The following DRC11 variants were observed in gnomAD, a reference collection of about 807,000 sequenced individuals.
DRC11 encodes dynein regulatory complex subunit 11, also known as IQ and AAA domain-containing protein 1.
At chr2:236,507,167 G>T in the DRC11 span, 5 of 1,402,916 alleles carry the variant, frequency 3.6e-6, no homozygotes, top group Non-Finnish European at 4.0e-6. Context: ...GAAAAGAAAA[G>T]AAAAAAGAAA....
chr2:236,419,554 G>C, the DRC11 span, among the ~76,000 whole-genome samples: 3 of 152,114 alleles, frequency 2.0e-5, no homozygotes, highest in Non-Finnish European at 4.4e-5. The surrounding 1 kb of genome is among the most constrained non-coding windows in gnomAD (Gnocchi z 4.8). Flanking sequence ...CCAGCTCCTG[G>C]AGGTTCCACA....
the DRC11 span, among the ~76,000 whole-genome samples, chr2:236,431,822 T>A: frequency 6.6e-6 from 1 of 152,218 alleles, no homozygotes; most frequent in South Asian, 2.1e-4. The surrounding 1 kb of genome is among the most constrained non-coding windows in gnomAD (Gnocchi z 4.2). Context: ...TTTACCTATC[T>A]ATTCCCCAGT....
chr2:236,314,935 C>A, the DRC11 span, among the ~76,000 whole-genome samples: 2 of 152,102 alleles, frequency 1.3e-5, no homozygotes, highest in Non-Finnish European at 2.9e-5. The surrounding 1 kb of genome is among the most constrained non-coding windows in gnomAD (Gnocchi z 4.5). Context: ...GGTGGAAATG[C>A]ATAAGCTGAT....
chr2:236,399,772 TA>T, the DRC11 span, among the ~76,000 whole-genome samples: 2 of 152,178 alleles, frequency 1.3e-5, no homozygotes, highest in African/African-American at 2.4e-5. The surrounding 1 kb of genome is among the most constrained non-coding windows in gnomAD (Gnocchi z 7.0). Flanking sequence ...CTTTTTTGAT[TA>T]AAAAACTTTC....
the DRC11 span, among the ~76,000 whole-genome samples, chr2:236,358,622 G>A: frequency 0.016 from 2,326 of 144,494 alleles, 107 homozygotes; most frequent in African/African-American, 0.056. Flanking sequence ...GAGCGGGAAG[G>A]GCTTTTTCTG....
the DRC11 span, among the ~76,000 whole-genome samples, chr2:236,417,806 CT>C: frequency 1.3e-5 from 2 of 151,984 alleles, no homozygotes; most frequent in African/African-American, 4.8e-5. Flanking sequence ...TCAACTCCCA[CT>C]TATGAGTGAG....
chr2:236,324,627 G>A, the DRC11 span: 13 of 969,080 alleles, frequency 1.3e-5, no homozygotes, highest in East Asian at 2.9e-4. This position sits in a 1 kb window ranked among gnomAD's most constrained non-coding sequence, Gnocchi z 5.7. Context: ...ATCCCAGAGA[G>A]ACTCAAGCAT....
the DRC11 span, among the ~76,000 whole-genome samples, chr2:236,451,520 C>T: frequency 2.0e-5 from 3 of 152,076 alleles, no homozygotes; most frequent in Admixed American, 6.5e-5. Flanking sequence ...CTGTCTTAAT[C>T]GAGCTTACAT....
At chr2:236,308,140 G>C in the DRC11 span, among the ~76,000 whole-genome samples, 1 of 152,246 alleles carries the variant, frequency 6.6e-6, no homozygotes, top group South Asian at 2.1e-4. This position sits in a 1 kb window ranked among gnomAD's most constrained non-coding sequence, Gnocchi z 6.0. Context: ...CCTGGGAGAG[G>C]GTGGAACCAG....
At chr2:236,454,183 C>T in the DRC11 span, among the ~76,000 whole-genome samples, 15 of 152,198 alleles carry the variant, frequency 9.9e-5, no homozygotes, top group African/African-American at 3.6e-4. The surrounding 1 kb of genome is among the most constrained non-coding windows in gnomAD (Gnocchi z 5.3). Flanking sequence ...AAAAGAAAAT[C>T]CATTCAGCGC....
At chr2:236,325,664 G>A in the DRC11 span, among the ~76,000 whole-genome samples, 1 of 151,116 alleles carries the variant, frequency 6.6e-6, no homozygotes, top group Non-Finnish European at 1.5e-5. This position sits in a 1 kb window ranked among gnomAD's most constrained non-coding sequence, Gnocchi z 4.4. Context: ...GTGCAGTGGT[G>A]TGATCTCAGC....
At chr2:236,392,005 GGC>G in the DRC11 span, 1 of 1,613,908 alleles carries the variant, frequency 6.2e-7, no homozygotes, top group South Asian at 1.1e-5. This position sits in a 1 kb window ranked among gnomAD's most constrained non-coding sequence, Gnocchi z 5.1. Flanking sequence ...GCTTTCACTG[GGC>G]GCTCCCTTTC....
At chr2:236,419,653 G>A in the DRC11 span, among the ~76,000 whole-genome samples, 1 of 152,192 alleles carries the variant, frequency 6.6e-6, no homozygotes, top group African/African-American at 2.4e-5. The surrounding 1 kb of genome is among the most constrained non-coding windows in gnomAD (Gnocchi z 4.8). Flanking sequence ...TCCAGGGGGA[G>A]GATGCCACTG....
chr2:236,451,837 A>G, the DRC11 span, among the ~76,000 whole-genome samples: 1 of 152,330 alleles, frequency 6.6e-6, no homozygotes, highest in South Asian at 2.1e-4. Context: ...GATTTGGGCA[A>G]ATCATCGTAT....
the DRC11 span, among the ~76,000 whole-genome samples, chr2:236,376,057 C>T: frequency 6.6e-6 from 1 of 152,136 alleles, no homozygotes; most frequent in Non-Finnish European, 1.5e-5. This position sits in a 1 kb window ranked among gnomAD's most constrained non-coding sequence, Gnocchi z 5.7. Context: ...GGAACAGCAC[C>T]TAAGCCACAG....
chr2:236,340,281 T>C, the DRC11 span, among the ~76,000 whole-genome samples: 3 of 152,218 alleles, frequency 2.0e-5, no homozygotes, highest in Non-Finnish European at 2.9e-5. Flanking sequence ...TGCACCACCA[T>C]GCCCGGCTAA....
the DRC11 span, among the ~76,000 whole-genome samples, chr2:236,334,437 G>A: frequency 1.3e-5 from 2 of 152,178 alleles, no homozygotes; most frequent in African/African-American, 2.4e-5. This position sits in a 1 kb window ranked among gnomAD's most constrained non-coding sequence, Gnocchi z 7.8. Context: ...CTTGGGGTGT[G>A]GCAATGGCTG....
chr2:236,351,353 G>A, the DRC11 span, among the ~76,000 whole-genome samples: 1 of 152,154 alleles, frequency 6.6e-6, no homozygotes, highest in Non-Finnish European at 1.5e-5. The surrounding 1 kb of genome is among the most constrained non-coding windows in gnomAD (Gnocchi z 7.3). Context: ...ACCGCAGACA[G>A]TGGTTAAAGC....
At chr2:236,501,315 G>C in the DRC11 span, among the ~76,000 whole-genome samples, 1 of 152,166 alleles carries the variant, frequency 6.6e-6, no homozygotes, top group East Asian at 1.9e-4. Flanking sequence ...TTTGACAGGA[G>C]AGTTGGGTGG....
Sources: gnomAD v4.1 joint callset for allele counts (sites outside exome capture counted in the v4.1 genomes callset) on GRCh38, gnomAD v4.1.1 for gene constraint, Gnocchi (gnomAD v3.1) non-coding constraint, MANE v1.5 for transcripts, NCBI Gene and HGNC (gene_info 2026-07-23, HGNC 2026-07-21) for gene names.